Variants in SDCCAG8 observed in about 807,000 individuals in gnomAD.
SDCCAG8 encodes the protein SHH signaling and ciliogenesis regulator SDCCAG8.
SDCCAG8 carries 74 observed loss-of-function variants against 101.8 expected under a neutral mutation model. The observed-to-expected ratio is 0.73, with a 90% CI of 0.60 to 0.88. The LOEUF (loss-of-function observed/expected upper bound fraction) is 0.88, where lower values mean the gene tolerates loss of function less well. Among genes scored for constraint, SDCCAG8 ranks in the 40% least tolerant of loss-of-function variants. The pLI is 0.00. For synonymous variants in SDCCAG8, 281 were observed against 292.9 expected (o/e 0.96, Z 0.41); for missense variants, 787 against 822.6 (o/e 0.96, Z 0.53).
chr1:243,467,486 G>A (rs992034842), intron 16 of SDCCAG8, among the ~76,000 whole-genome samples: 21 of 152,222 alleles, frequency 1.4e-4, no homozygotes, highest in African/African-American at 5.1e-4. Flanking sequence ...CACAAGAGAA[G>A]CCCAGTGGCT....
intron 16 of SDCCAG8, among the ~76,000 whole-genome samples, chr1:243,468,190 CATA>C (rs2148181641): frequency 6.6e-6 from 1 of 151,618 alleles, no homozygotes; most frequent in East Asian, 1.9e-4. Flanking sequence ...AAATGAGGAT[CATA>C]ATATTATCAA....
At chr1:243,345,254 A>G (rs1032478783) in intron 12 of SDCCAG8, among the ~76,000 whole-genome samples, 5 of 152,158 alleles carry the variant, frequency 3.3e-5, no homozygotes, top group African/African-American at 1.2e-4. Context: ...GACAATTGGG[A>G]AAAGTATTGA....
chr1:243,360,428 A>G (rs528025979), intron 12 of SDCCAG8, among the ~76,000 whole-genome samples: 3 of 152,104 alleles, frequency 2.0e-5, no homozygotes, highest in African/African-American at 7.2e-5. Flanking sequence ...CTGGGATTAC[A>G]GGCGTGAGCC....
chr1:243,442,634 A>G (rs1251989798), intron 16 of SDCCAG8, among the ~76,000 whole-genome samples: 1 of 152,132 alleles, frequency 6.6e-6, no homozygotes, highest in African/African-American at 2.4e-5. Context: ...AAGTATAGCC[A>G]CAAAAGTTCT....
At chr1:243,413,751 T>C (rs2080356521) in intron 13 of SDCCAG8, among the ~76,000 whole-genome samples, 1 of 152,116 alleles carries the variant, frequency 6.6e-6, no homozygotes, top group Non-Finnish European at 1.5e-5. Flanking sequence ...TATCTCTGGC[T>C]CCTGCCCCGG....
At chr1:243,483,077 T>C (rs1288193329) in intron 16 of SDCCAG8, among the ~76,000 whole-genome samples, 2 of 152,020 alleles carry the variant, frequency 1.3e-5, no homozygotes, top group East Asian at 3.9e-4. Flanking sequence ...GAACAAGAAA[T>C]TGCACTCTCT....
chr1:243,433,542 T>A, intron 16 of SDCCAG8, among the ~76,000 whole-genome samples: 1 of 151,018 alleles, frequency 6.6e-6, no homozygotes, highest in South Asian at 2.1e-4. Context: ...AAGAAGAAAG[T>A]CTCTCCTGAG....
intron 17 of SDCCAG8, among the ~76,000 whole-genome samples, chr1:243,498,676 C>G (rs536211906): frequency 2.1e-4 from 32 of 152,390 alleles, no homozygotes; most frequent in African/African-American, 7.5e-4. Flanking sequence ...ATATATTTCT[C>G]TTGAATGCGG....
chr1:243,413,380 AT>A (rs1018961260), intron 13 of SDCCAG8, among the ~76,000 whole-genome samples: 7 of 151,972 alleles, frequency 4.6e-5, no homozygotes, highest in Non-Finnish European at 7.4e-5. Flanking sequence ...TAATTTGTGT[AT>A]TTTTAGTAGA....
chr1:243,387,946 C>G (rs903540984), intron 13 of SDCCAG8, among the ~76,000 whole-genome samples: 2 of 152,140 alleles, frequency 1.3e-5, no homozygotes, highest in East Asian at 3.9e-4. Flanking sequence ...AAACTCCTGA[C>G]CTCTGGTGAT....
intron 13 of SDCCAG8, among the ~76,000 whole-genome samples, chr1:243,405,156 G>A (rs983116483): frequency 1.3e-5 from 2 of 152,066 alleles, no homozygotes; most frequent in East Asian, 1.9e-4. Context: ...GTGAGCCACC[G>A]TGCCTGTCCC....
Position 243,418,176 on chromosome 1 carries a change from A to G in SDCCAG8, c.1853+100A>G, listed in dbSNP as rs564181531. ...TTGCACTGTTTTATAGTCTAATGTCAAAATTAGGTATCTGCTGATGTTTTC... is the reference window on the plus strand; with the variant it reads ...TTGCACTGTTTTATAGTCTAATGTCGAAATTAGGTATCTGCTGATGTTTTC... On this transcript the variant is annotated intron_variant, in intron 15 of 17. Coordinates refer to ENST00000366541, the MANE Select transcript of SDCCAG8 (RefSeq NM_006642.5). 132 of 803,002 alleles carry G rather than the reference A, an allele frequency of 1.6e-4. No individual in the cohort carries two copies. The African/African-American group carries it at 2.0e-3, about 12-fold the overall frequency. 49.7% of individuals were successfully genotyped at this position (803,002 alleles called of 1,614,324 possible).
At chr1:243,483,194 G>C (rs1427402477) in intron 16 of SDCCAG8, among the ~76,000 whole-genome samples, 1 of 152,086 alleles carries the variant, frequency 6.6e-6, no homozygotes, top group East Asian at 1.9e-4. Context: ...GGCGGCTGCG[G>C]AGCCCGGGGA....
chr1:243,444,084 AT>A (rs919666984), intron 16 of SDCCAG8, among the ~76,000 whole-genome samples: 1 of 152,174 alleles, frequency 6.6e-6, no homozygotes, highest in Admixed American at 6.5e-5. Context: ...TGAAAGGATC[AT>A]GTGTACTTAG....
intron 12 of SDCCAG8, among the ~76,000 whole-genome samples, chr1:243,364,798 C>T (rs1178326810): frequency 1.3e-5 from 2 of 151,822 alleles, no homozygotes; most frequent in Non-Finnish European, 2.9e-5. Context: ...TTGACAAAAA[C>T]CAAACCTAAG....
chr1:243,267,721 T>C (rs1044534896), intron 1 of SDCCAG8: 6 of 795,908 alleles, frequency 7.5e-6, no homozygotes, highest in Non-Finnish European at 1.4e-5. Context: ...TGTGTGTACA[T>C]GGTAATTGTT....
At chr1:243,466,817 C>T (rs1301799696) in intron 16 of SDCCAG8, among the ~76,000 whole-genome samples, 1 of 152,248 alleles carries the variant, frequency 6.6e-6, no homozygotes, top group African/African-American at 2.4e-5. Context: ...GTACTGTTAC[C>T]AAAGTTAGAA....
chr1:243,307,566 A>C, intron 7 of SDCCAG8: 2 of 984,108 alleles, frequency 2.0e-6, no homozygotes, highest in Non-Finnish European at 2.4e-6. Flanking sequence ...TAATGCTTGA[A>C]ATAGGGTATT....
intron 10 of SDCCAG8, among the ~76,000 whole-genome samples, chr1:243,334,085 C>T (rs1024872865): frequency 2.0e-5 from 3 of 152,134 alleles, no homozygotes; most frequent in Non-Finnish European, 2.9e-5. Context: ...TTTTCTCCCC[C>T]GTCTTTCTCA....
Sources: gnomAD v4.1 joint callset for allele counts (sites outside exome capture counted in the v4.1 genomes callset) on GRCh38, gnomAD v4.1.1 for gene constraint, MANE v1.5 for transcripts, NCBI Gene and HGNC (gene_info 2026-07-23, HGNC 2026-07-21) for gene names.